The following MPP7 variants were observed in gnomAD, a reference collection of about 807,000 sequenced individuals.
MPP7 encodes the protein MAGUK p55 subfamily member 7.
A neutral mutation model predicts 76.5 loss-of-function variants in MPP7; 60 were observed. That is an observed-to-expected ratio of 0.78 (90% CI 0.64 to 0.97). The LOEUF (loss-of-function observed/expected upper bound fraction) is 0.97. MPP7 is among the 50% of genes least tolerant of loss of function. The pLI, the probability that MPP7 is intolerant of heterozygous loss-of-function variation, is 0.00. For missense variants in MPP7, 641 were observed against 694.0 expected, an observed-to-expected ratio of 0.92 and a Z score of 0.86; for synonymous variants, 237 against 244.5, an observed-to-expected ratio of 0.97 and a Z score of 0.29.
chr10:28,166,658 C>T lies in MPP7; in HGVS notation c.157-16599G>A, dbSNP rs181156125. On this transcript the variant is annotated intron_variant, in intron 3 of 16. Coordinates refer to ENST00000683449, the MANE Select transcript of MPP7 (RefSeq NM_001318170.2). Reference sequence around the variant, plus strand: ...CCGACCTCAGGTGATCCGCCCATCTCGGCCTCCCAAAGTGCTGGGATTACA... The same window carrying T: ...CCGACCTCAGGTGATCCGCCCATCTTGGCCTCCCAAAGTGCTGGGATTACA... Among the ~76,000 whole-genome samples the T allele has an allele frequency of 6.3e-3, 958 of 152,070 alleles. 11 individuals carry two copies. The highest frequency in any genetic ancestry group is 0.014 in the African/African-American group (578 of 41,504).
chr10:28,095,171 T>A (rs921251788), intron 11 of MPP7, among the ~76,000 whole-genome samples: 2 of 132,060 alleles, frequency 1.5e-5, no homozygotes, highest in African/African-American at 2.8e-5. Context: ...TACACACATA[T>A]CTGATATACA....
chr10:28,221,230 A>T (rs139503737), intron 2 of MPP7, among the ~76,000 whole-genome samples: 29 of 152,326 alleles, frequency 1.9e-4, no homozygotes, highest in African/African-American at 6.7e-4. Flanking sequence ...TAAAAATAAC[A>T]AACTGGTGGT....
intron 1 of MPP7, among the ~76,000 whole-genome samples, chr10:28,332,705 A>C (rs1445125483): frequency 1.3e-5 from 2 of 152,166 alleles, no homozygotes; most frequent in Admixed American, 6.5e-5. Flanking sequence ...TCTATTACCC[A>C]GGCTAGAGTG....
At chr10:28,306,294 A>G (rs1232642655), upstream of MPP7, among the ~76,000 whole-genome samples, 1 of 152,338 alleles carries the variant, frequency 6.6e-6, no homozygotes, top group African/African-American at 2.4e-5. Flanking sequence ...AATATTTGGC[A>G]CAATGCTTCA....
At position 28,125,384 on chromosome 10, in the gene MPP7, A is replaced by T. The variant is rs544223426; in HGVS notation, c.448-293T>A. ...AAAATAAACATACCTTCTTTCCATT[A>T]TAAAAATACCTTGTATTTCAATGCT... On this transcript the variant is annotated intron_variant, in intron 6 of 16. Coordinates refer to ENST00000683449, the MANE Select transcript of MPP7 (RefSeq NM_001318170.2). Among the ~76,000 whole-genome samples, 3 of 152,322 alleles carry T rather than the reference A, an allele frequency of 2.0e-5. No homozygotes were observed. In the South Asian group the frequency reaches 6.2e-4, roughly 32 times the overall value.
intron 3 of MPP7, among the ~76,000 whole-genome samples, chr10:28,151,923 GAT>G (rs1835896525): frequency 6.6e-6 from 1 of 152,164 alleles, no homozygotes; most frequent in Non-Finnish European, 1.5e-5. Context: ...AGGCTGGAAA[GAT>G]ATATAACAAA....
intron 12 of MPP7, among the ~76,000 whole-genome samples, chr10:28,081,904 C>A (rs1852782248): frequency 6.6e-6 from 1 of 151,982 alleles, no homozygotes; most frequent in Non-Finnish European, 1.5e-5. Flanking sequence ...AGGTGACTGC[C>A]AACACATCTG....
At chr10:28,210,569 T>C (rs1838098893) in intron 2 of MPP7, among the ~76,000 whole-genome samples, 1 of 152,146 alleles carries the variant, frequency 6.6e-6, no homozygotes, top group Non-Finnish European at 1.5e-5. Context: ...GGAAAAATGA[T>C]AGAAAGTACA....
At chr10:28,094,984 T>C (rs995001131) in intron 11 of MPP7, among the ~76,000 whole-genome samples, 14 of 152,070 alleles carry the variant, frequency 9.2e-5, no homozygotes, top group African/African-American at 3.4e-4. Context: ...GTTTAAAAAA[T>C]ACAACAGAAA....
chr10:28,253,770 T>C (rs10826436), intron 1 of MPP7, among the ~76,000 whole-genome samples: 30,409 of 151,402 alleles, frequency 0.2, 3,539 homozygotes, highest in East Asian at 0.54. Context: ...CCAAGGCGGG[T>C]GGATCACTTG....
chr10:28,233,431 G>C (rs1440674602), intron 2 of MPP7, among the ~76,000 whole-genome samples: 2 of 152,004 alleles, frequency 1.3e-5, no homozygotes, highest in African/African-American at 4.8e-5. Flanking sequence ...ACTCCGGCCG[G>C]GCGCGGTGGC....
At chr10:28,208,575 A>C (rs1228926030) in intron 2 of MPP7, among the ~76,000 whole-genome samples, 1 of 152,002 alleles carries the variant, frequency 6.6e-6, no homozygotes, top group Non-Finnish European at 1.5e-5. Flanking sequence ...TAGAAATCCT[A>C]TGAAAGGAGA....
At chr10:28,190,694 C>T (rs1393045496) in intron 3 of MPP7, among the ~76,000 whole-genome samples, 3 of 151,956 alleles carry the variant, frequency 2.0e-5, no homozygotes, top group Non-Finnish European at 2.9e-5. Flanking sequence ...TGAAAGAATA[C>T]ATTCAAAAGA....
In MPP7 at chr10:28,131,549, C is replaced by A; in HGVS notation, c.447+11G>T. Reference sequence around the variant, plus strand: ...CATGGTATCTACTCATATCTGAGCACCAAAACTCACCAGTGGTTCTCTATT... The same window carrying A: ...CATGGTATCTACTCATATCTGAGCAACAAAACTCACCAGTGGTTCTCTATT... On this transcript the variant is annotated intron_variant, in intron 6 of 16. Transcript: ENST00000683449. 6.4e-7 allele frequency: 1 copy of A among 1,574,464 alleles called. No homozygotes were observed. The highest frequency in any genetic ancestry group is 1.1e-5 in the South Asian group (1 of 90,192).
chr10:28,258,188 C>A (rs756419547), intron 1 of MPP7, among the ~76,000 whole-genome samples: 5 of 151,218 alleles, frequency 3.3e-5, no homozygotes, highest in Admixed American at 6.6e-5. Context: ...GATGTTCCTT[C>A]CACTTCGTCA....
At chr10:28,147,671 T>C in intron 4 of MPP7, 108 bp from the exon 5 acceptor site, 1 of 927,538 alleles carries the variant, frequency 1.1e-6, no homozygotes. Flanking sequence ...CTTTCCAATG[T>C]TTAAGGAGAG....
intron 2 of MPP7, among the ~76,000 whole-genome samples, 185 bp from the exon 3 acceptor site, chr10:28,202,456 G>A (rs939096819): frequency 6.6e-6 from 1 of 152,138 alleles, no homozygotes; most frequent in African/African-American, 2.4e-5. Context: ...CAAAGCAGTG[G>A]TATGTATTAA....
chr10:28,296,950 A>G (rs1841050211), intron 1 of MPP7, among the ~76,000 whole-genome samples: 2 of 152,260 alleles, frequency 1.3e-5, no homozygotes, highest in African/African-American at 4.8e-5. Flanking sequence ...ATAAAATTTA[A>G]ACAAAACACA....
intron 1 of MPP7, chr10:28,280,286 G>A (rs920802389): frequency 6.6e-6 from 1 of 152,016 alleles, no homozygotes; most frequent in Admixed American, 6.5e-5. Flanking sequence ...TGATTCTCAA[G>A]CCCCTGATAT....
Sources: gnomAD v4.1 joint callset for allele counts (sites outside exome capture counted in the v4.1 genomes callset) on GRCh38, gnomAD v4.1.1 for gene constraint, MANE v1.5 for transcripts, NCBI Gene and HGNC (gene_info 2026-07-23, HGNC 2026-07-21) for gene names.